Variants in PRSS23 observed in about 807,000 individuals in gnomAD.
PRSS23 encodes the protein serine protease 23, also known as protease, serine 23.
A neutral mutation model predicts 34.7 loss-of-function variants in PRSS23; 25 were observed. That is an observed-to-expected ratio of 0.72 (90% CI 0.53 to 1.01). The LOEUF is 1.01. PRSS23 is among the 50% of genes least tolerant of loss of function. The probability of loss-of-function intolerance (pLI) is 0.00; values close to 1 mark genes in which losing one functional copy is unlikely to be tolerated. For missense variants in PRSS23, 445 were observed against 475.6 expected (o/e 0.94, Z 0.60); for synonymous variants, 176 against 186.6 (o/e 0.94, Z 0.46).
intron 2 of PRSS23, chr11:86,935,389 A>G (rs985473516): frequency 2.0e-4 from 22 of 109,086 alleles, no homozygotes; most frequent in African/African-American, 6.7e-4. Context: ...ATAAGAGAAA[A>G]GTGCTGTGGA....
intron 2 of PRSS23, among the ~76,000 whole-genome samples, chr11:86,828,375 T>A (rs1449704867): frequency 5.3e-5 from 8 of 152,210 alleles, no homozygotes; most frequent in Non-Finnish European, 8.8e-5. Context: ...TTTTATTTTG[T>A]GCCTGTGTGT....
At chr11:86,913,288 A>AAAAAAC (rs1555081375) in intron 2 of PRSS23, among the ~76,000 whole-genome samples, 9 of 144,918 alleles carry the variant, frequency 6.2e-5, no homozygotes, top group African/African-American at 1.8e-4. Flanking sequence ...AAAAAAAAAA[A>AAAAAAC]AAACCTATTA....
chr11:86,905,175 T>G (rs1948934331), intron 2 of PRSS23, among the ~76,000 whole-genome samples: 1 of 152,236 alleles, frequency 6.6e-6, no homozygotes. Flanking sequence ...ATCTTTCTCT[T>G]TCACTAGACT....
intron 2 of PRSS23, among the ~76,000 whole-genome samples, chr11:86,865,082 G>A (rs139962598): frequency 3.3e-5 from 5 of 152,348 alleles, no homozygotes; most frequent in Non-Finnish European, 5.9e-5. Context: ...CATCTTTGGT[G>A]GTGGTAGGAG....
At chr11:86,872,641 T>A (rs1196806412) in intron 2 of PRSS23, among the ~76,000 whole-genome samples, 5 of 152,212 alleles carry the variant, frequency 3.3e-5, no homozygotes, top group African/African-American at 1.2e-4. Flanking sequence ...TAATTTTTCA[T>A]ACAAGAAAAT....
chr11:86,924,784 G>A (rs755238654), intron 2 of PRSS23, among the ~76,000 whole-genome samples: 12 of 152,134 alleles, frequency 7.9e-5, no homozygotes, highest in Non-Finnish European at 1.3e-4. Context: ...AACCTTTAGT[G>A]AACGGTTCAG....
At chr11:86,804,009 A>C (rs902806482) in intron 1 of PRSS23, among the ~76,000 whole-genome samples, 8 of 152,200 alleles carry the variant, frequency 5.3e-5, no homozygotes, top group Non-Finnish European at 8.8e-5. Context: ...TATAGTCAGC[A>C]TCGTCCCTGA....
At chr11:86,815,303 TCACTAA>T (rs1948207379), downstream of PRSS23, among the ~76,000 whole-genome samples, 1 of 152,224 alleles carries the variant, frequency 6.6e-6, no homozygotes, top group African/African-American at 2.4e-5. Context: ...TCTGCACTTA[TCACTAA>T]CACTGTTATA....
chr11:86,847,633 C>G (rs759877159), intron 2 of PRSS23, among the ~76,000 whole-genome samples: 4 of 152,118 alleles, frequency 2.6e-5, no homozygotes, highest in Non-Finnish European at 4.4e-5. Flanking sequence ...CGGACACTCC[C>G]TTAAGATGTA....
chr11:86,938,598 A>G (rs1565392446), intron 2 of PRSS23, among the ~76,000 whole-genome samples: 1 of 152,050 alleles, frequency 6.6e-6, no homozygotes, highest in Non-Finnish European at 1.5e-5. Context: ...GCCAGACCTG[A>G]GGGTCTTGGA....
intron 2 of PRSS23, chr11:86,950,795 A>G (rs935159482): frequency 2.8e-6 from 1 of 356,382 alleles, no homozygotes; most frequent in African/African-American, 2.1e-5. Context: ...TCACAGCTCA[A>G]ATCCCACCCT....
intron 2 of PRSS23, among the ~76,000 whole-genome samples, chr11:86,870,694 C>T (rs1232011577): frequency 1.3e-5 from 2 of 152,078 alleles, no homozygotes; most frequent in Admixed American, 1.3e-4. Flanking sequence ...ATCAATCTTC[C>T]TTTCATCTGT....
intron 2 of PRSS23, among the ~76,000 whole-genome samples, chr11:86,897,879 A>G (rs1232693783): frequency 6.6e-6 from 1 of 152,204 alleles, no homozygotes; most frequent in East Asian, 1.9e-4. Flanking sequence ...TTTAACCAGT[A>G]TTTATTGAGA....
In PRSS23 at chr11:86,819,383, A is replaced by AT. The variant is rs1034802612; in HGVS notation, c.-11-3985dup. On this transcript the variant is annotated intron_variant, in intron 1 of 2. Coordinates refer to the PRSS23 transcript ENST00000533902. The stretch of plus-strand genomic sequence containing the variant: ...AAGAAAAAAGCCAATTATTGGCTCC[A>AT]TTTTTTTTTAGAGAGAGAACACCTA... Among the ~76,000 whole-genome samples, 25 of 150,982 alleles carry AT rather than the reference A, an allele frequency of 1.7e-4. 1 individual carries two copies. Among genetic ancestry groups the AT allele is most frequent in the South Asian group, 6.3e-4 (3 of 4,764 alleles).
intron 2 of PRSS23, among the ~76,000 whole-genome samples, chr11:86,841,123 T>C (rs887151296): frequency 8.6e-5 from 13 of 152,044 alleles, no homozygotes; most frequent in Non-Finnish European, 1.6e-4. Context: ...GCGAATCACC[T>C]GAGGTCAGGA....
At chr11:86,793,757 T>A (rs1042922619) in intron 1 of PRSS23, among the ~76,000 whole-genome samples, 3 of 152,168 alleles carry the variant, frequency 2.0e-5, no homozygotes, top group African/African-American at 7.2e-5. Flanking sequence ...AAATTAACAT[T>A]AAATAAGCCT....
At chr11:86,827,561 T>C (rs540491090) in intron 2 of PRSS23, among the ~76,000 whole-genome samples, 1,521 of 151,782 alleles carry the variant, frequency 0.01, 30 homozygotes, top group African/African-American at 0.035. Flanking sequence ...GCTCTTCCTT[T>C]TCTAGTTCTT....
At chr11:86,942,676 G>C (rs1406733046) in intron 2 of PRSS23, among the ~76,000 whole-genome samples, 2 of 152,162 alleles carry the variant, frequency 1.3e-5, no homozygotes, top group African/African-American at 4.8e-5. Flanking sequence ...TTTGCCATGA[G>C]GGTAAATAAA....
At chr11:86,835,184 C>G (rs1044825938) in intron 2 of PRSS23, among the ~76,000 whole-genome samples, 8 of 152,214 alleles carry the variant, frequency 5.3e-5, no homozygotes, top group African/African-American at 1.9e-4. Flanking sequence ...AGCCACAAGT[C>G]TCCTTTAGCA....
Sources: allele counts gnomAD v4.1 joint callset (sites outside exome capture counted in the v4.1 genomes callset), GRCh38; gene constraint gnomAD v4.1.1; transcripts MANE v1.5; gene names NCBI Gene and HGNC (gene_info 2026-07-23, HGNC 2026-07-21).